The following SNTG1 variants were observed in gnomAD, a reference collection of about 807,000 sequenced individuals.
SNTG1 encodes the protein syntrophin gamma 1.
SNTG1 carries 39 observed loss-of-function variants against 74.7 expected under a neutral mutation model. That is an observed-to-expected ratio of 0.52 (90% confidence interval 0.40 to 0.68). The LOEUF is 0.68. Among genes scored for constraint, SNTG1 ranks in the 30% least tolerant of loss-of-function variants. SNTG1 has a pLI of 0.00. For synonymous variants in SNTG1, 254 were observed against 217.1 expected (o/e 1.17, Z -1.49); for missense variants, 685 against 609.5 (o/e 1.12, Z -1.30).
At chr8:50,178,051 A>AT (rs976137100) in intron 2 of SNTG1, among the ~76,000 whole-genome samples, 3 of 151,982 alleles carry the variant, frequency 2.0e-5, no homozygotes, top group Non-Finnish European at 1.5e-5. Flanking sequence ...TTGATAGCTG[A>AT]TTTTTTTCCT....
chr8:50,157,429 A>G (rs1444952602), intron 1 of SNTG1, among the ~76,000 whole-genome samples: 2 of 152,104 alleles, frequency 1.3e-5, no homozygotes, highest in Non-Finnish European at 2.9e-5. Flanking sequence ...AAACACTTAT[A>G]TTTAATGATT....
intron 1 of SNTG1, among the ~76,000 whole-genome samples, chr8:49,933,781 T>C (rs1016921259): frequency 6.6e-6 from 1 of 152,230 alleles, no homozygotes; most frequent in Non-Finnish European, 1.5e-5. Context: ...GAGATGGGTG[T>C]GAGCCCATTC....
intron 1 of SNTG1, chr8:50,164,293 G>T (rs1250285896): frequency 6.6e-6 from 1 of 152,088 alleles, no homozygotes; most frequent in Non-Finnish European, 1.5e-5. Flanking sequence ...CAGTTACAAA[G>T]AACTTTGCGT....
intron 4 of SNTG1, among the ~76,000 whole-genome samples, chr8:50,406,306 T>C (rs1287450835): frequency 6.6e-6 from 1 of 152,152 alleles, no homozygotes; most frequent in Non-Finnish European, 1.5e-5. Flanking sequence ...TTGATAGTAT[T>C]GTTAAAAATT....
intron 2 of SNTG1, among the ~76,000 whole-genome samples, chr8:50,329,079 A>G (rs899908800): frequency 6.6e-6 from 1 of 152,150 alleles, no homozygotes; most frequent in Non-Finnish European, 1.5e-5. Flanking sequence ...CTCCAAAATA[A>G]TCTTTTACTC....
At chr8:50,710,812 A>G (rs2095459482) in intron 17 of SNTG1, among the ~76,000 whole-genome samples, 1 of 152,184 alleles carries the variant, frequency 6.6e-6, no homozygotes, top group African/African-American at 2.4e-5. Context: ...CAGAGAAAAC[A>G]GTTTAGTAGG....
At chr8:50,048,717 G>A (rs1363002907) in intron 1 of SNTG1, among the ~76,000 whole-genome samples, 2 of 151,950 alleles carry the variant, frequency 1.3e-5, no homozygotes, top group South Asian at 2.1e-4. Context: ...GTAAATTATG[G>A]CAATATCATA....
At chr8:50,421,394 C>T (rs1293455606) in intron 4 of SNTG1, among the ~76,000 whole-genome samples, 1 of 152,140 alleles carries the variant, frequency 6.6e-6, no homozygotes, top group Non-Finnish European at 1.5e-5. Flanking sequence ...AACTTCCTCA[C>T]ATTGCCATGA....
chr8:50,367,713 T>G (rs1349025619), intron 2 of SNTG1, among the ~76,000 whole-genome samples: 4 of 152,146 alleles, frequency 2.6e-5, no homozygotes, highest in Non-Finnish European at 1.5e-5. Context: ...TGATTGTTAA[T>G]TTTTTGTGTC....
chr8:50,069,400 TAAAAC>T (rs969314810), intron 1 of SNTG1, among the ~76,000 whole-genome samples: 1 of 152,156 alleles, frequency 6.6e-6, no homozygotes, highest in African/African-American at 2.4e-5. Flanking sequence ...CAGAACACTA[TAAAAC>T]AATTCAGTGA....
At chr8:50,778,868 A>T (rs1347662919) in intron 18 of SNTG1, among the ~76,000 whole-genome samples, 1 of 151,982 alleles carries the variant, frequency 6.6e-6, no homozygotes, top group Admixed American at 6.6e-5. Flanking sequence ...TCCATCTTGA[A>T]TTAATTTTTG....
intron 1 of SNTG1, among the ~76,000 whole-genome samples, chr8:50,023,072 C>T (rs1280221357): frequency 2.0e-5 from 3 of 152,038 alleles, no homozygotes; most frequent in Non-Finnish European, 4.4e-5. Flanking sequence ...AATCCGGTCC[C>T]CAAGGGGAGA....
At chr8:50,087,059 T>C (rs16914265) in intron 1 of SNTG1, among the ~76,000 whole-genome samples, 11,727 of 152,176 alleles carry the variant, frequency 0.077, 1,448 homozygotes, top group African/African-American at 0.26. Context: ...GGATTAAGAG[T>C]ACCTTCAGCT....
intron 13 of SNTG1, among the ~76,000 whole-genome samples, chr8:50,653,495 A>G (rs1472197278): frequency 2.0e-5 from 3 of 152,288 alleles, no homozygotes; most frequent in Admixed American, 6.5e-5. Context: ...TATAACTAAT[A>G]CCTTGTTTTG....
At chr8:50,431,017 T>C (rs1563376855) in intron 4 of SNTG1, among the ~76,000 whole-genome samples, 1 of 152,204 alleles carries the variant, frequency 6.6e-6, no homozygotes, top group Non-Finnish European at 1.5e-5. Context: ...GCTTGTGCCT[T>C]ACTTCATTTC....
At chr8:50,490,378 C>T (rs542699092) in intron 8 of SNTG1, among the ~76,000 whole-genome samples, 13 of 152,240 alleles carry the variant, frequency 8.5e-5, no homozygotes, top group South Asian at 4.1e-4. Flanking sequence ...GCCATTTTCA[C>T]GATATTGATT....
chr8:49,970,394 T>C (rs1388263960), intron 1 of SNTG1, among the ~76,000 whole-genome samples: 1 of 152,218 alleles, frequency 6.6e-6, no homozygotes, highest in Non-Finnish European at 1.5e-5. Context: ...CATGTGTGTT[T>C]AGCCGCACTC....
chr8:50,272,115 C>G (rs968944), intron 2 of SNTG1, among the ~76,000 whole-genome samples: 72,728 of 151,914 alleles, frequency 0.48, 19,629 homozygotes, highest in East Asian at 0.83. Context: ...GTTTATCAGC[C>G]ACACAGTCTA....
At position 50,124,923 on chromosome 8, in the gene SNTG1, G is replaced by T. The variant is rs138956416; in HGVS notation, c.-102-47638G>T. Among the ~76,000 whole-genome samples the T allele has an allele frequency of 3.8e-3, 542 of 141,756 alleles. 67 individuals are homozygous for T. The highest frequency in any genetic ancestry group is 0.012 in the African/African-American group (481 of 39,326). The allele number at this position is 141,756 out of a possible 152,430, so 93.0% of individuals were successfully genotyped here. The stretch of plus-strand genomic sequence containing the variant: ...GTAACTGGATTACAAATTCTTGTGG[G>T]CAGGCAGTTACTTGCACTGAACATA... On this transcript the variant is annotated intron_variant, in intron 1 of 18. Transcript: ENST00000642720.
Sources: gnomAD v4.1 joint callset for allele counts (sites outside exome capture counted in the v4.1 genomes callset) on GRCh38, gnomAD v4.1.1 for gene constraint, MANE v1.5 for transcripts, NCBI Gene and HGNC (gene_info 2026-07-23, HGNC 2026-07-21) for gene names.